CALN1: variants seen among roughly 807,000 people sequenced by gnomAD.
The protein encoded by CALN1 is calneuron 1, also known as calcium-binding protein 8.
CALN1 carries 17 observed loss-of-function variants against 30.6 expected under a neutral mutation model. That is an observed-to-expected ratio of 0.56 (90% CI 0.38 to 0.83). The LOEUF is 0.83. Among genes scored for constraint, CALN1 ranks in the 40% least tolerant of loss-of-function variants. The pLI is 0.00. For synonymous variants in CALN1, 156 were observed against 131.4 expected (o/e 1.19, Z -1.28); for missense variants, 291 against 354.9 (o/e 0.82, Z 1.45).
intron 3 of CALN1, among the ~76,000 whole-genome samples, chr7:72,192,461 C>G (rs1041701120): frequency 6.6e-6 from 1 of 152,096 alleles, no homozygotes; most frequent in Non-Finnish European, 1.5e-5. Context: ...GGATTTTATA[C>G]AGCAGGCAAT....
chr7:71,951,087 G>A (rs1008473644), intron 5 of CALN1, among the ~76,000 whole-genome samples: 4 of 152,040 alleles, frequency 2.6e-5, no homozygotes, highest in Admixed American at 1.3e-4. Context: ...TCTCATTCAC[G>A]GCCAGTGCCT....
chr7:72,221,850 C>T (rs1186714669), intron 3 of CALN1, among the ~76,000 whole-genome samples: 1 of 151,758 alleles, frequency 6.6e-6, no homozygotes, highest in African/African-American at 2.4e-5. Context: ...GATCGTGCCA[C>T]TGCACTCCAG....
At chr7:72,188,028 T>A (rs563887187) in intron 3 of CALN1, among the ~76,000 whole-genome samples, 1 of 152,162 alleles carries the variant, frequency 6.6e-6, no homozygotes, top group Non-Finnish European at 1.5e-5. Context: ...CTGGTGGGAA[T>A]GTAAACTAGG....
At chr7:71,826,578 T>A (rs1177124812) in intron 5 of CALN1, among the ~76,000 whole-genome samples, 1 of 152,080 alleles carries the variant, frequency 6.6e-6, no homozygotes, top group Non-Finnish European at 1.5e-5. Context: ...CCAGCATTCC[T>A]CCCTCCACTC....
intron 5 of CALN1, among the ~76,000 whole-genome samples, chr7:71,958,059 C>G (rs1797049713): frequency 1.1e-5 from 1 of 92,984 alleles, no homozygotes; most frequent in Non-Finnish European, 2.1e-5. Context: ...GAGTGAAACT[C>G]CATCTCAAAA....
intron 2 of CALN1, among the ~76,000 whole-genome samples, chr7:72,344,410 A>G (rs1802520175): frequency 6.6e-6 from 1 of 152,064 alleles, no homozygotes; most frequent in Admixed American, 6.6e-5. Context: ...TAAAGTGAAA[A>G]AAGTTAATGG....
At chr7:71,805,311 G>A (rs1787541913) in intron 6 of CALN1, among the ~76,000 whole-genome samples, 2 of 152,200 alleles carry the variant, frequency 1.3e-5, no homozygotes, top group South Asian at 4.1e-4. Context: ...GGGATGAGGG[G>A]TGGGTTAGCA....
intron 5 of CALN1, among the ~76,000 whole-genome samples, chr7:71,918,864 T>C (rs1202459294): frequency 6.6e-6 from 1 of 152,220 alleles, no homozygotes; most frequent in Admixed American, 6.5e-5. Context: ...CCTCCTCATT[T>C]GGAATTTCCA....
intron 3 of CALN1, among the ~76,000 whole-genome samples, chr7:72,197,178 C>CTTTTTTTTTTTTT (rs386410439): frequency 1.6e-5 from 1 of 64,208 alleles, no homozygotes. Flanking sequence ...GGAAGGTTTG[C>CTTTTTTTTTTTTT]TTTTTTTTTT....
chr7:71,862,211 C>T (rs1791328898), intron 5 of CALN1, among the ~76,000 whole-genome samples: 1 of 152,192 alleles, frequency 6.6e-6, no homozygotes, highest in African/African-American at 2.4e-5. Context: ...TAGGGTGTGG[C>T]TGAAATTAAG....
intron 3 of CALN1, among the ~76,000 whole-genome samples, chr7:72,267,159 G>A (rs537805468): frequency 6.6e-6 from 1 of 152,312 alleles, no homozygotes; most frequent in South Asian, 2.1e-4. Context: ...AGCCTGTAGA[G>A]AGAAGTGTCT....
intron 6 of CALN1, among the ~76,000 whole-genome samples, chr7:71,805,946 T>C (rs903138132): frequency 2.0e-5 from 3 of 152,152 alleles, no homozygotes; most frequent in Admixed American, 6.5e-5. Context: ...GGGACATAGA[T>C]GGAGCTCGAA....
intron 5 of CALN1, among the ~76,000 whole-genome samples, chr7:72,009,686 T>G (rs1476596110): frequency 6.6e-6 from 1 of 152,170 alleles, no homozygotes; most frequent in Non-Finnish European, 1.5e-5. Context: ...AGGGGTGGTT[T>G]CCCCCATACT....
chr7:72,056,736 T>C (rs1024806329), intron 4 of CALN1, among the ~76,000 whole-genome samples: 3 of 152,106 alleles, frequency 2.0e-5, no homozygotes, highest in Non-Finnish European at 4.4e-5. Flanking sequence ...GGCAAAAGAA[T>C]AGCATTCTTC....
chr7:72,311,024 G>C (rs1413841711), intron 2 of CALN1, among the ~76,000 whole-genome samples: 1 of 151,436 alleles, frequency 6.6e-6, no homozygotes, highest in Non-Finnish European at 1.5e-5. Flanking sequence ...AATTTTTCCA[G>C]TTATGCCAAG....
chr7:72,018,646 C>T (rs904372110), intron 5 of CALN1, among the ~76,000 whole-genome samples: 16 of 152,204 alleles, frequency 1.1e-4, no homozygotes, highest in African/African-American at 2.4e-4. Context: ...GAAAGGAAGC[C>T]GCATTTGTAG....
At chr7:72,359,488 G>A (rs1053316040) in intron 2 of CALN1, among the ~76,000 whole-genome samples, 1 of 152,064 alleles carries the variant, frequency 6.6e-6, no homozygotes, top group African/African-American at 2.4e-5. Flanking sequence ...TTTTTCACTT[G>A]ACAAGGTACT....
chr7:72,204,238 T>G (rs1306202799), intron 3 of CALN1, among the ~76,000 whole-genome samples: 1 of 151,492 alleles, frequency 6.6e-6, no homozygotes, highest in Non-Finnish European at 1.5e-5. Context: ...CTCGTGATTC[T>G]CCCGCCTCAG....
intron 5 of CALN1, among the ~76,000 whole-genome samples, chr7:71,943,642 A>G (rs545328783): frequency 4.6e-5 from 7 of 151,994 alleles, no homozygotes; most frequent in Middle Eastern, 3.2e-3. Flanking sequence ...GGGCTTCACC[A>G]TGTTGGCCAG....
Sources: allele counts gnomAD v4.1 joint callset (sites outside exome capture counted in the v4.1 genomes callset), GRCh38; gene constraint gnomAD v4.1.1; transcripts MANE v1.5; gene names NCBI Gene and HGNC (gene_info 2026-07-23, HGNC 2026-07-21).